MED27: variants seen among roughly 807,000 people sequenced by gnomAD.
MED27 encodes the protein mediator of RNA polymerase II transcription subunit 27.
A neutral mutation model predicts 38.2 loss-of-function variants in MED27; 30 were observed. The ratio of observed to expected loss-of-function variants is 0.79; its 90% CI spans 0.59 to 1.07. The LOEUF (loss-of-function observed/expected upper bound fraction) is 1.07, where lower values mean the gene tolerates loss of function less well. Ranked by LOEUF, MED27 falls within the 50% of genes least tolerant of loss-of-function variation. The pLI is 0.00. For missense variants in MED27, 289 were observed against 397.5 expected, an observed-to-expected ratio of 0.73 and a Z score of 2.32; for synonymous variants, 122 against 153.5, an observed-to-expected ratio of 0.79 and a Z score of 1.52.
At chr9:131,908,737 T>C (rs958110039) in intron 4 of MED27, among the ~76,000 whole-genome samples, 2 of 152,150 alleles carry the variant, frequency 1.3e-5, no homozygotes, top group African/African-American at 4.8e-5. Context: ...ACACAAACAC[T>C]GCGGAAGGCC....
chr9:132,007,656 T>G (rs1339029782), intron 3 of MED27, among the ~76,000 whole-genome samples: 2 of 152,080 alleles, frequency 1.3e-5, no homozygotes, highest in African/African-American at 4.8e-5. Flanking sequence ...TGTGTGTTCT[T>G]ACAGGAGACA....
At chr9:131,916,336 T>C (rs1342079048) in intron 4 of MED27, among the ~76,000 whole-genome samples, 1 of 152,268 alleles carries the variant, frequency 6.6e-6, no homozygotes, top group East Asian at 1.9e-4. Flanking sequence ...TCAATTGCTA[T>C]GTATAAATTT....
At chr9:131,927,040 T>C (rs1163994613) in intron 4 of MED27, among the ~76,000 whole-genome samples, 2 of 152,210 alleles carry the variant, frequency 1.3e-5, no homozygotes, top group African/African-American at 4.8e-5. Context: ...CTTAAAATAT[T>C]TTGACTGTTT....
intron 4 of MED27, among the ~76,000 whole-genome samples, chr9:131,912,177 A>T (rs1361477307): frequency 6.6e-6 from 1 of 152,192 alleles, no homozygotes; most frequent in Non-Finnish European, 1.5e-5. Context: ...TCCAAAGTCT[A>T]CTTCATGAAA....
At chr9:131,962,290 G>A (rs919966947) in intron 3 of MED27, among the ~76,000 whole-genome samples, 2 of 152,214 alleles carry the variant, frequency 1.3e-5, no homozygotes, top group Non-Finnish European at 2.9e-5. Flanking sequence ...AGGCTGGACT[G>A]CAGAGGCACA....
At chr9:132,004,736 C>T (rs1418188918) in intron 3 of MED27, among the ~76,000 whole-genome samples, 2 of 152,214 alleles carry the variant, frequency 1.3e-5, no homozygotes, top group Non-Finnish European at 2.9e-5. Flanking sequence ...AAATACCCAA[C>T]ACTTACACTT....
intron 6 of MED27, among the ~76,000 whole-genome samples, chr9:131,868,238 C>G (rs561448118): frequency 6.6e-6 from 1 of 152,316 alleles, no homozygotes; most frequent in East Asian, 1.9e-4. Flanking sequence ...ATGTGCCCCT[C>G]TCATTTAATT....
chr9:132,074,131 C>T (rs1228138415), intron 2 of MED27, among the ~76,000 whole-genome samples: 1 of 152,214 alleles, frequency 6.6e-6, no homozygotes, highest in Non-Finnish European at 1.5e-5. Context: ...GAAAGCTTGT[C>T]ATCCTTCTCA....
intron 2 of MED27, among the ~76,000 whole-genome samples, chr9:132,015,335 C>T (rs192028732): frequency 4.6e-5 from 7 of 152,302 alleles, no homozygotes; most frequent in Admixed American, 3.9e-4. Context: ...TGTCTGGTGC[C>T]AGCATCCCTT....
At chr9:131,905,701 C>CAAAAAAAAAAAAAAAAAAAAAAAAAAA (rs58848280) in intron 4 of MED27, among the ~76,000 whole-genome samples, 1 of 60,922 alleles carries the variant, frequency 1.6e-5, no homozygotes. Context: ...AAGACCTTGT[C>CAAAAAAAAAAAAAAAAAAAAAAAAAAA]AAAAAAAAAA....
intron 3 of MED27, among the ~76,000 whole-genome samples, chr9:131,945,077 A>C (rs1036301342): frequency 6.8e-6 from 1 of 146,904 alleles, no homozygotes; most frequent in Admixed American, 6.8e-5. Flanking sequence ...TTATATATAA[A>C]TATATATAAA....
At chr9:131,866,840 G>A (rs372519652) in intron 6 of MED27, among the ~76,000 whole-genome samples, 14 of 152,148 alleles carry the variant, frequency 9.2e-5, no homozygotes, top group African/African-American at 1.4e-4. Flanking sequence ...GATGAAATGC[G>A]AACTGTGAAC....
At chr9:131,901,989 CT>C (rs1181531102) in intron 4 of MED27, among the ~76,000 whole-genome samples, 1 of 152,152 alleles carries the variant, frequency 6.6e-6, no homozygotes, top group African/African-American at 2.4e-5. Context: ...TACCTCATGC[CT>C]GGCCCATGAC....
chr9:131,878,937 C>A (rs1051603839), intron 6 of MED27, among the ~76,000 whole-genome samples: 1 of 151,830 alleles, frequency 6.6e-6, no homozygotes, highest in Non-Finnish European at 1.5e-5. Flanking sequence ...CCTCCAGGGA[C>A]CACAGTAAAT....
At chr9:132,008,102 T>C (rs1385850046) in intron 3 of MED27, among the ~76,000 whole-genome samples, 1 of 152,188 alleles carries the variant, frequency 6.6e-6, no homozygotes, top group East Asian at 1.9e-4. Flanking sequence ...GCCAAGTTGT[T>C]GAAACTCAGA....
At chr9:131,863,039 G>T in intron 7 of MED27, 24 bp downstream of exon 7, 15 of 1,608,014 alleles carry the variant, frequency 9.3e-6, no homozygotes, top group Non-Finnish European at 1.2e-5. Flanking sequence ...TTAAACAGGA[G>T]ACCTGACTCT....
intron 3 of MED27, among the ~76,000 whole-genome samples, chr9:131,966,925 A>G (rs1258307920): frequency 6.6e-6 from 1 of 152,232 alleles, no homozygotes; most frequent in Non-Finnish European, 1.5e-5. Context: ...TGCTCACCAG[A>G]GCTATGACCA....
intron 2 of MED27, among the ~76,000 whole-genome samples, chr9:132,033,250 A>G (rs1237405127): frequency 6.6e-6 from 1 of 152,204 alleles, no homozygotes; most frequent in Non-Finnish European, 1.5e-5. Flanking sequence ...TGTTTAAGAA[A>G]AGATCACATA....
chr9:131,864,381 G>A (rs1838700976), intron 6 of MED27, among the ~76,000 whole-genome samples: 1 of 152,162 alleles, frequency 6.6e-6, no homozygotes, highest in African/African-American at 2.4e-5. Flanking sequence ...TACTCAGGAG[G>A]CTGAGATGGG....
Sources: gnomAD v4.1 joint callset for allele counts (sites outside exome capture counted in the v4.1 genomes callset) on GRCh38, gnomAD v4.1.1 for gene constraint, MANE v1.5 for transcripts, NCBI Gene and HGNC (gene_info 2026-07-23, HGNC 2026-07-21) for gene names.